CHCHD6: variants seen among roughly 807,000 people sequenced by gnomAD.
CHCHD6 encodes the protein MICOS complex subunit MIC25.
A neutral mutation model predicts 32.3 loss-of-function variants in CHCHD6; 28 were observed. The ratio of observed to expected loss-of-function variants is 0.87; its 90% CI spans 0.64 to 1.19. CHCHD6 has a LOEUF of 1.19. Ranked by LOEUF, CHCHD6 falls within the 50% of genes most tolerant of loss-of-function variation. The pLI, the probability that CHCHD6 is intolerant of heterozygous loss-of-function variation, is 0.00. For missense variants in CHCHD6, 333 were observed against 307.0 expected (o/e 1.08, Z -0.63); for synonymous variants, 122 against 117.5 (o/e 1.04, Z -0.25).
chr3:126,776,720 A>T lies in CHCHD6; in HGVS notation c.411+43498A>T, dbSNP rs1300408080. Among the ~76,000 whole-genome samples the T allele has an allele frequency of 2.6e-5, 4 of 152,138 alleles. No homozygotes were observed. The South Asian group carries it at 8.3e-4, about 32-fold the overall frequency. On this transcript the variant is annotated intron_variant, in intron 4 of 7. Transcript: ENST00000290913. ...GTTACCATATTCAATTCTGAGGTGA[A>T]TTTTTTTCTTATAACATCTTTGAAT...
rs903695293 is a variant in CHCHD6 at position 126,711,694 on chromosome 3, C to T, written c.87+7295C>T. Among the ~76,000 whole-genome samples the T allele has an allele frequency of 1.7e-4, 26 of 152,284 alleles. 1 individual carries two copies. The highest frequency in any genetic ancestry group is 4.1e-4 in the South Asian group (2 of 4,826). On this transcript the variant is annotated intron_variant, in intron 1 of 7. Coordinates refer to ENST00000290913, the MANE Select transcript of CHCHD6 (RefSeq NM_032343.3). ...ATGCGCCCATTTAGCATAGACACCA[C>T]GAAGGGGTTGCGTTATAGATCGTCT... is the stretch of plus-strand genomic sequence containing the variant.
intron 4 of CHCHD6, among the ~76,000 whole-genome samples, chr3:126,825,807 A>G (rs1559866725): frequency 6.6e-6 from 1 of 152,144 alleles, no homozygotes; most frequent in African/African-American, 2.4e-5. Flanking sequence ...TGCAGATAGC[A>G]TATAACTTGT....
intron 4 of CHCHD6, among the ~76,000 whole-genome samples, chr3:126,734,883 T>C (rs948033749): frequency 6.6e-6 from 1 of 152,166 alleles, no homozygotes; most frequent in African/African-American, 2.4e-5. Flanking sequence ...ACCCTCAAAG[T>C]AGCCCGCATC....
chr3:126,806,374 AAAAGTGGGC>A (rs1939380840), intron 4 of CHCHD6, among the ~76,000 whole-genome samples: 1 of 152,158 alleles, frequency 6.6e-6, no homozygotes, highest in Non-Finnish European at 1.5e-5. Flanking sequence ...AACCCCATCA[AAAAGTGGGC>A]AAAGGATATG....
chr3:126,766,113 G>A (rs1937361905), intron 4 of CHCHD6, among the ~76,000 whole-genome samples: 1 of 151,886 alleles, frequency 6.6e-6, no homozygotes, highest in Admixed American at 6.6e-5. Flanking sequence ...TTTGGGGAGT[G>A]TATTCAGGAG....
At chr3:126,835,444 T>G (rs1576472939) in intron 4 of CHCHD6, among the ~76,000 whole-genome samples, 1 of 152,166 alleles carries the variant, frequency 6.6e-6, no homozygotes, top group Non-Finnish European at 1.5e-5. Flanking sequence ...CTCATGGGCT[T>G]ACAATCCCTG....
chr3:126,873,252 C>T (rs749800263), intron 5 of CHCHD6, among the ~76,000 whole-genome samples: 2 of 152,208 alleles, frequency 1.3e-5, no homozygotes, highest in African/African-American at 2.4e-5. Flanking sequence ...GCTCTTTTTG[C>T]GTTGCCTGAA....
chr3:126,900,896 G>A (rs1285306733), intron 5 of CHCHD6, among the ~76,000 whole-genome samples: 2 of 151,886 alleles, frequency 1.3e-5, no homozygotes, highest in African/African-American at 4.8e-5. Flanking sequence ...GAGCCACCAC[G>A]CCTGGCCAGG....
intron 4 of CHCHD6, among the ~76,000 whole-genome samples, chr3:126,801,664 C>T (rs953319849): frequency 1.3e-5 from 2 of 152,174 alleles, no homozygotes; most frequent in African/African-American, 4.8e-5. Flanking sequence ...CAGCAGTAAC[C>T]TCTGCAGACT....
intron 5 of CHCHD6, among the ~76,000 whole-genome samples, chr3:126,899,478 TA>T (rs1409920003): frequency 6.6e-6 from 1 of 152,224 alleles, no homozygotes; most frequent in Non-Finnish European, 1.5e-5. Context: ...CTTCCTTTTC[TA>T]TTCATATAGC....
rs2078237191 is a variant in CHCHD6, at chr3:126,920,913, A to C, written c.566+6163A>C. Among the ~76,000 whole-genome samples, 3 of 152,292 alleles carry C rather than the reference A, an allele frequency of 2.0e-5. No homozygotes were observed. The South Asian group carries it at 6.2e-4, about 32-fold the overall frequency. On this transcript the variant is annotated intron_variant, in intron 6 of 7. Transcript: ENST00000290913. ...TTCATAATCTTGGACCTCAAGTCCT[A>C]GTTGCGTTGGTCCTTAGATGCCTTC...
intron 4 of CHCHD6, among the ~76,000 whole-genome samples, chr3:126,800,558 A>G (rs538365864): frequency 1.3e-5 from 2 of 152,308 alleles, no homozygotes; most frequent in East Asian, 3.9e-4. Context: ...TGTGTGAGAC[A>G]CAGTCAGATC....
chr3:126,716,845 G>T (rs1372090351), intron 1 of CHCHD6, among the ~76,000 whole-genome samples: 1 of 152,096 alleles, frequency 6.6e-6, no homozygotes, highest in Non-Finnish European at 1.5e-5. Context: ...CCAGACAGGG[G>T]AGTCGGGGAA....
At chr3:126,821,595 A>G (rs73203603) in intron 4 of CHCHD6, among the ~76,000 whole-genome samples, 14,142 of 152,322 alleles carry the variant, frequency 0.093, 846 homozygotes, top group Middle Eastern at 0.21. Flanking sequence ...CACCTGGCCT[A>G]TGATAACTCT....
chr3:126,777,820 T>A (rs577572528), intron 4 of CHCHD6, among the ~76,000 whole-genome samples: 15 of 152,352 alleles, frequency 9.8e-5, no homozygotes, highest in African/African-American at 3.6e-4. Context: ...AGTATCTAAC[T>A]CAATTATTTT....
At chr3:126,850,089 G>A (rs557091871) in intron 4 of CHCHD6, among the ~76,000 whole-genome samples, 9 of 152,252 alleles carry the variant, frequency 5.9e-5, no homozygotes, top group East Asian at 3.9e-4. Context: ...GCCATTTTTC[G>A]TGTCACCTCC....
At chr3:126,919,204 G>T (rs2078209988) in intron 6 of CHCHD6, among the ~76,000 whole-genome samples, 1 of 151,834 alleles carries the variant, frequency 6.6e-6, no homozygotes, top group African/African-American at 2.4e-5. Flanking sequence ...TGTCAATTAG[G>T]TTAAGTTGGT....
intron 6 of CHCHD6, among the ~76,000 whole-genome samples, chr3:126,918,313 T>G (rs2078198967): frequency 6.6e-6 from 1 of 152,216 alleles, no homozygotes; most frequent in South Asian, 2.1e-4. Context: ...TTGAGTAAAC[T>G]GCTTAGATGG....
At chr3:126,957,695 G>T in intron 7 of CHCHD6, 144 bp downstream of exon 7, 1 of 1,026,762 alleles carries the variant, frequency 9.7e-7, no homozygotes, top group Non-Finnish European at 1.5e-6. Context: ...CCAAGGGAGG[G>T]ATTCTTCGCT....
Sources: gnomAD v4.1 joint callset for allele counts (sites outside exome capture counted in the v4.1 genomes callset) on GRCh38, gnomAD v4.1.1 for gene constraint, MANE v1.5 for transcripts, NCBI Gene and HGNC (gene_info 2026-07-23, HGNC 2026-07-21) for gene names.